The following ATXN7 variants were observed in gnomAD, a reference collection of about 807,000 sequenced individuals.
ATXN7 encodes ataxin 7.
In ATXN7, 12 loss-of-function variants were observed where a neutral mutation model predicts 70.5. That is an observed-to-expected ratio of 0.17 (90% CI 0.11 to 0.28). ATXN7 has a LOEUF of 0.28. Among genes scored for constraint, ATXN7 ranks in the 10% least tolerant of loss-of-function variants. ATXN7 has a pLI of 1.00. For synonymous variants in ATXN7, 498 were observed against 448.7 expected (o/e 1.11, Z -1.39); for missense variants, 1,256 against 1,131.7 (o/e 1.11, Z -1.58).
intron 1 of ATXN7, among the ~76,000 whole-genome samples, chr3:63,885,940 C>T (rs1245820306): frequency 1.3e-5 from 2 of 152,128 alleles, no homozygotes; most frequent in Non-Finnish European, 2.9e-5. Flanking sequence ...TCGCTTCAAC[C>T]TGGGAGGTGA....
Position 63,912,851 on chromosome 3 carries a change from C to T in ATXN7, c.253C>T (p.Pro85Ser), listed in dbSNP as rs542050695. 2.5e-6 allele frequency: 4 copies of T among 1,612,944 alleles called. No homozygotes were observed. The highest frequency in any genetic ancestry group is 1.7e-5 in the Admixed American group (1 of 59,990). The change falls in exon 3 of 13, where the codon CCC (proline) becomes TCC (serine). Residue 85 changes from proline (P) to serine (S), a missense_variant. Pro to Ser is a moderately conservative substitution (Grantham distance 74). Coordinates refer to ENST00000674280, the MANE Select transcript of ATXN7 (RefSeq NM_001377405.1). ...GACGGTCGGGGAGCGCAGGCCTCTG[C>T]CCAGTCCTGAAGTGATGCTGGGACA... ...MATVGERRPL[P>S]SPEVMLGQSW...
At chr3:63,990,077 C>CCT in intron 9 of ATXN7, 99 bp from the exon 10 acceptor site, 2 of 1,163,594 alleles carry the variant, frequency 1.7e-6, no homozygotes, top group Non-Finnish European at 2.5e-6. Flanking sequence ...GGAACCCAGG[C>CCT]CTCTGCTAGG....
chr3:63,918,001 G>A (rs1053871992), intron 4 of ATXN7, among the ~76,000 whole-genome samples: 1 of 152,182 alleles, frequency 6.6e-6, no homozygotes, highest in Non-Finnish European at 1.5e-5. Flanking sequence ...AAAGGGTACA[G>A]ACAGGACATC....
intron 12 of ATXN7, 42 bp from the exon 13 acceptor site, chr3:63,999,404 GCTTA>G (rs772179121): frequency 3.3e-6 from 5 of 1,495,834 alleles, no homozygotes; most frequent in South Asian, 2.3e-5. Context: ...GTGTACAAAC[GCTTA>G]CTTACCATTT....
At chr3:63,882,342 G>A (rs1702938570) in intron 1 of ATXN7, among the ~76,000 whole-genome samples, 2 of 151,384 alleles carry the variant, frequency 1.3e-5, no homozygotes, top group South Asian at 2.1e-4. Flanking sequence ...CAACATTAAC[G>A]GTTATTGTTT....
At chr3:63,899,129 C>A (rs531747605) in intron 2 of ATXN7, among the ~76,000 whole-genome samples, 1 of 150,648 alleles carries the variant, frequency 6.6e-6, no homozygotes, top group Admixed American at 6.6e-5. Flanking sequence ...GTGGCATGAT[C>A]GTGGCTCACT....
At chr3:63,943,331 T>C (rs895709106) in intron 4 of ATXN7, among the ~76,000 whole-genome samples, 2 of 152,222 alleles carry the variant, frequency 1.3e-5, no homozygotes, top group Admixed American at 1.3e-4. Flanking sequence ...GTATTTGTTA[T>C]TATTCTGACT....
intron 5 of ATXN7, among the ~76,000 whole-genome samples, chr3:63,956,420 C>CAAAAAAA (rs1175948780): frequency 1.4e-4 from 5 of 36,694 alleles, no homozygotes; most frequent in African/African-American, 4.9e-4. Flanking sequence ...GACTGCATCT[C>CAAAAAAA]AAAAAAAAAA....
intron 11 of ATXN7, among the ~76,000 whole-genome samples, chr3:63,994,595 A>G (rs2075725987): frequency 6.6e-6 from 1 of 152,220 alleles, no homozygotes; most frequent in African/African-American, 2.4e-5. Context: ...TATTAATAAC[A>G]GTAGTCTTTA....
intron 4 of ATXN7, among the ~76,000 whole-genome samples, chr3:63,935,579 T>G (rs2074645902): frequency 6.6e-6 from 1 of 152,190 alleles, no homozygotes; most frequent in Non-Finnish European, 1.5e-5. Context: ...ACTGTGCCTT[T>G]TTTTCCCCAG....
intron 5 of ATXN7, among the ~76,000 whole-genome samples, chr3:63,966,773 CAT>C (rs1282134496): frequency 6.6e-6 from 1 of 152,230 alleles, no homozygotes; most frequent in African/African-American, 2.4e-5. Flanking sequence ...ATCATTTCCA[CAT>C]ATGTAATTCA....
intron 5 of ATXN7, among the ~76,000 whole-genome samples, chr3:63,975,720 A>G (rs1219694436): frequency 6.6e-6 from 1 of 152,174 alleles, no homozygotes; most frequent in Non-Finnish European, 1.5e-5. Context: ...TATTGGTTGC[A>G]TTCTATTTTG....
chr3:63,888,657 T>C (rs1703160964), intron 1 of ATXN7, among the ~76,000 whole-genome samples: 1 of 152,096 alleles, frequency 6.6e-6, no homozygotes. Flanking sequence ...GTGCCTATAA[T>C]CCCAGTTACT....
intron 1 of ATXN7, among the ~76,000 whole-genome samples, chr3:63,895,575 C>G (rs1703416490): frequency 6.6e-6 from 1 of 152,142 alleles, no homozygotes; most frequent in African/African-American, 2.4e-5. Flanking sequence ...GGCACTTACC[C>G]TAGATGCCAG....
Position 63,867,626 on chromosome 3 carries a change from AAGGCGGGTGGATCATTTGAGGTAGGCCG to A in ATXN7, c.-111+3491_-111+3518del, listed in dbSNP as rs540353077. ...TGTAATCCCAGCACTTTGAGAGGCC[AAGGCGGGTGGATCATTTGAGGTAGGCCG>A]AGGCGGGTGGATCATTTGAGGTCAG... On this transcript the variant is annotated intron_variant, in intron 1 of 12. Coordinates refer to ENST00000674280, the MANE Select transcript of ATXN7 (RefSeq NM_001377405.1). Among the ~76,000 whole-genome samples, 1,137 of 152,304 alleles carry A rather than the reference AAGGCGGGTGGATCATTTGAGGTAGGCCG, an allele frequency of 7.5e-3. 14 individuals carry two copies. The highest frequency in any genetic ancestry group is 0.026 in the African/African-American group (1,070 of 41,560).
intron 1 of ATXN7, among the ~76,000 whole-genome samples, chr3:63,883,633 C>T (rs575829398): frequency 6.6e-6 from 1 of 151,998 alleles, no homozygotes; most frequent in African/African-American, 2.4e-5. Flanking sequence ...TCTATTTAAA[C>T]ATAAATAGGA....
Position 63,990,336 on chromosome 3 carries a change from G to A in ATXN7, c.1522G>A (p.Asp508Asn), listed in dbSNP as rs2075649650. 1 of 1,614,106 alleles carries A rather than the reference G, an allele frequency of 6.2e-7. No homozygotes were observed. The highest frequency in any genetic ancestry group is 1.3e-5 in the African/African-American group (1 of 75,002). ...DDKEESVEKLDCHYSGHHPQP... is the reference protein window; with the variant it reads ...DDKEESVEKLNCHYSGHHPQP... ...CAAAGAAGAGTCTGTTGAAAAACTG[G>A]ACTGTCATTATTCAGGTCATCATCC... Residue 508 changes from aspartate (D) to asparagine (N), a missense_variant, in exon 10 of 13, where the codon GAC becomes AAC. Physicochemically the swap from Asp to Asn is conservative, Grantham distance 23. Transcript: ENST00000674280.
rs1430815524 is a variant in ATXN7, at chr3:63,999,584, G to A, written c.*117G>A. The A allele has an allele frequency of 6.5e-7, 1 of 1,550,180 alleles. No individual in the cohort carries two copies. Among genetic ancestry groups the A allele is most frequent in the Non-Finnish European group, 8.8e-7 (1 of 1,140,816 alleles). ...AGTCTGTTTTCCCAACCTCCTGTGG[G>A]CCTCAAGGGTAGAAACCTGCCGGGC... On this transcript the variant is annotated 3_prime_UTR_variant, in exon 13 of 13. Transcript: ENST00000674280.
At chr3:63,979,644 T>G (rs1197859176) in intron 5 of ATXN7, among the ~76,000 whole-genome samples, 1 of 152,118 alleles carries the variant, frequency 6.6e-6, no homozygotes, top group Non-Finnish European at 1.5e-5. Context: ...AATATTCTCA[T>G]GTTTACGATG....
Sources: gnomAD v4.1 joint callset for allele counts (sites outside exome capture counted in the v4.1 genomes callset) on GRCh38, gnomAD v4.1.1 for gene constraint, MANE v1.5 for transcripts, NCBI Gene and HGNC (gene_info 2026-07-23, HGNC 2026-07-21) for gene names.